Variants in EIPR1 observed in about 807,000 individuals in gnomAD.
The protein encoded by EIPR1 is EARP complex and GARP complex interacting protein 1, also known as EARP and GARP complex-interacting protein 1.
A neutral mutation model predicts 48.1 loss-of-function variants in EIPR1; 25 were observed. The ratio of observed to expected loss-of-function variants is 0.52; its 90% confidence interval spans 0.38 to 0.73. EIPR1 has a LOEUF of 0.73. EIPR1 is among the 30% of genes least tolerant of loss of function. EIPR1 has a pLI of 0.00. For synonymous variants in EIPR1, 204 were observed against 201.9 expected (o/e 1.01, Z -0.09); for missense variants, 415 against 506.2 (o/e 0.82, Z 1.73).
chr2:3,259,700 A>G (rs1667268318), intron 3 of EIPR1, among the ~76,000 whole-genome samples: 1 of 152,128 alleles, frequency 6.6e-6, no homozygotes, highest in Non-Finnish European at 1.5e-5. Flanking sequence ...TTTTCTTTCT[A>G]TTTTCTTTTA....
At chr2:3,335,964 A>G (rs1429804063) in intron 3 of EIPR1, among the ~76,000 whole-genome samples, 2 of 152,196 alleles carry the variant, frequency 1.3e-5, no homozygotes, top group Non-Finnish European at 2.9e-5. Context: ...CCCGACTGTC[A>G]GGAGAGTGTG....
intron 3 of EIPR1, among the ~76,000 whole-genome samples, chr2:3,267,842 A>G (rs977006230): frequency 6.6e-6 from 1 of 152,322 alleles, no homozygotes; most frequent in Admixed American, 6.5e-5. Flanking sequence ...AGCCTAAAAT[A>G]TTTACTCTCT....
chr2:3,235,428 ACACACACACACGCGTGCGCG>A (rs1204903087), intron 4 of EIPR1, among the ~76,000 whole-genome samples: 6 of 108,016 alleles, frequency 5.6e-5, no homozygotes, highest in Non-Finnish European at 9.6e-5. Flanking sequence ...GTGCGCACAC[ACACACACACACGCGTGCGCG>A]CACACACACA....
intron 3 of EIPR1, among the ~76,000 whole-genome samples, chr2:3,310,631 C>T (rs34619831): frequency 0.091 from 11,490 of 126,396 alleles, 631 homozygotes; most frequent in African/African-American, 0.16. Flanking sequence ...CCAGCCTGGG[C>T]GACAGAGCCA....
intron 3 of EIPR1, among the ~76,000 whole-genome samples, chr2:3,268,374 A>G (rs1667556680): frequency 6.6e-6 from 1 of 152,164 alleles, no homozygotes; most frequent in Non-Finnish European, 1.5e-5. Flanking sequence ...TCCAGAGGGC[A>G]GCCTCCTGCC....
intron 3 of EIPR1, among the ~76,000 whole-genome samples, chr2:3,295,064 C>T (rs1482021230): frequency 7.2e-6 from 1 of 139,226 alleles, no homozygotes; most frequent in African/African-American, 2.7e-5. Flanking sequence ...TCTCTCTCCA[C>T]ACACACCTCC....
At chr2:3,357,782 A>T (rs1211955261) in intron 1 of EIPR1, among the ~76,000 whole-genome samples, 1 of 151,824 alleles carries the variant, frequency 6.6e-6, no homozygotes, top group Non-Finnish European at 1.5e-5. Context: ...AAACTCCTTT[A>T]AATTTAATTC....
intron 3 of EIPR1, among the ~76,000 whole-genome samples, chr2:3,259,688 G>T (rs560921005): frequency 6.6e-6 from 1 of 152,174 alleles, no homozygotes; most frequent in Non-Finnish European, 1.5e-5. Flanking sequence ...ACAAAGAGGG[G>T]TTTTTCTTTC....
intron 5 of EIPR1, among the ~76,000 whole-genome samples, chr2:3,197,743 G>A (rs1664860385): frequency 1.3e-5 from 2 of 152,222 alleles, no homozygotes; most frequent in South Asian, 2.1e-4. Flanking sequence ...TTAAAGGCAG[G>A]AAGCATCCAG....
chr2:3,189,269 G>A lies in EIPR1; in HGVS notation c.*65C>T, dbSNP rs17682. On this transcript the variant is annotated 3_prime_UTR_variant, in exon 9 of 9. Coordinates refer to ENST00000382125, the MANE Select transcript of EIPR1 (RefSeq NM_003310.5). The surrounding 1 kb of genome is among the most constrained non-coding windows in gnomAD (Gnocchi z 4.6). ...ACACGAGTCACCTCCAAAGAGCTGC[G>A]ACTGTTTGAGAATCTGCCAAGAGGA... is the stretch of plus-strand genomic sequence containing the variant. 492,228 of 1,424,632 alleles carry A rather than the reference G, an allele frequency of 0.35. 90,397 individuals are homozygous for A. The highest frequency in any genetic ancestry group is 0.39 in the Non-Finnish European group (411,945 of 1,069,386). The allele number at this position is 1,424,632 out of a possible 1,614,324, so 88.2% of individuals were successfully genotyped here. A position where few individuals can be genotyped will look rare whatever the true frequency, so the allele number is the denominator to read the frequency against.
At chr2:3,213,855 AT>A (rs1042562512) in intron 5 of EIPR1, among the ~76,000 whole-genome samples, 2 of 152,130 alleles carry the variant, frequency 1.3e-5, no homozygotes, top group South Asian at 4.2e-4. Flanking sequence ...TAATTTTTTT[AT>A]TTTTTTCATT....
intron 3 of EIPR1, among the ~76,000 whole-genome samples, chr2:3,306,874 T>C (rs1340437506): frequency 6.6e-6 from 1 of 152,180 alleles, no homozygotes; most frequent in African/African-American, 2.4e-5. Flanking sequence ...ACTGTATAGT[T>C]ATAGAGTCAA....
intron 3 of EIPR1, among the ~76,000 whole-genome samples, chr2:3,288,909 C>T (rs1407423544): frequency 1.3e-5 from 2 of 152,234 alleles, no homozygotes; most frequent in Non-Finnish European, 1.5e-5. Context: ...CCCACAGGCC[C>T]CAGCAGCCCT....
intron 5 of EIPR1, chr2:3,208,819 C>T: frequency 6.5e-7 from 1 of 1,550,174 alleles, no homozygotes. Context: ...GTGAGTGAGG[C>T]CCGTGGCAGG....
chr2:3,237,879 G>A (rs960640264), intron 4 of EIPR1, among the ~76,000 whole-genome samples: 7 of 152,180 alleles, frequency 4.6e-5, no homozygotes, highest in African/African-American at 1.7e-4. Flanking sequence ...ATAAGCCCTC[G>A]CTGTTATCAG....
chr2:3,261,463 C>G (rs749073176), intron 3 of EIPR1, among the ~76,000 whole-genome samples: 4 of 152,194 alleles, frequency 2.6e-5, no homozygotes, highest in African/African-American at 7.2e-5. Flanking sequence ...AGATTCCCCA[C>G]GGGTTAGGAA....
At chr2:3,367,653 C>T (rs1167224861) in intron 1 of EIPR1, among the ~76,000 whole-genome samples, 1 of 152,034 alleles carries the variant, frequency 6.6e-6, no homozygotes, top group Non-Finnish European at 1.5e-5. Flanking sequence ...AAACGCTGGG[C>T]CAATATTTAA....
At chr2:3,224,071 A>C (rs556734123) in intron 4 of EIPR1, among the ~76,000 whole-genome samples, 1 of 152,252 alleles carries the variant, frequency 6.6e-6, no homozygotes, top group Non-Finnish European at 1.5e-5. Context: ...TCTTCAATCT[A>C]ACCTAAGATC....
intron 3 of EIPR1, among the ~76,000 whole-genome samples, chr2:3,330,793 G>A (rs370977744): frequency 4.0e-5 from 6 of 150,762 alleles, no homozygotes; most frequent in Non-Finnish European, 7.4e-5. Flanking sequence ...GTACACTCAC[G>A]AGAATGGTGT....
Sources: allele counts gnomAD v4.1 joint callset (sites outside exome capture counted in the v4.1 genomes callset), GRCh38; gene constraint gnomAD v4.1.1; non-coding constraint Gnocchi (gnomAD v3.1); transcripts MANE v1.5; gene names NCBI Gene and HGNC (gene_info 2026-07-23, HGNC 2026-07-21).